SUGCT: variants seen among roughly 807,000 people sequenced by gnomAD.
SUGCT encodes the protein succinyl-CoA:glutarate-CoA transferase.
In SUGCT, 41 loss-of-function variants were observed where a neutral mutation model predicts 55.0. The ratio of observed to expected loss-of-function variants is 0.74; its 90% CI spans 0.58 to 0.97. The LOEUF (loss-of-function observed/expected upper bound fraction) is 0.97, where lower values mean the gene tolerates loss of function less well. Ranked by LOEUF, SUGCT falls within the 50% of genes least tolerant of loss-of-function variation. SUGCT has a pLI of 0.00. For synonymous variants in SUGCT, 187 were observed against 200.4 expected, an observed-to-expected ratio of 0.93 and a Z score of 0.56; for missense variants, 568 against 547.8, an observed-to-expected ratio of 1.04 and a Z score of -0.37.
At chr7:40,243,801 T>TA (rs1789630503) in intron 7 of SUGCT, among the ~76,000 whole-genome samples, 2 of 152,186 alleles carry the variant, frequency 1.3e-5, no homozygotes, top group African/African-American at 2.4e-5. Flanking sequence ...CCTCACAATT[T>TA]AAAAAAACTT....
At chr7:40,481,224 C>T (rs1410168650) in intron 11 of SUGCT, among the ~76,000 whole-genome samples, 1 of 151,892 alleles carries the variant, frequency 6.6e-6, no homozygotes, top group African/African-American at 2.4e-5. Flanking sequence ...TGTAGTCCCA[C>T]CCGTTCGAGA....
chr7:40,205,861 A>G (rs1416870650), intron 6 of SUGCT, among the ~76,000 whole-genome samples: 2 of 152,168 alleles, frequency 1.3e-5, no homozygotes, highest in African/African-American at 4.8e-5. Flanking sequence ...GTTTTTCTAC[A>G]TATTCTAAAA....
At chr7:40,525,811 CTT>C (rs972068980) in intron 12 of SUGCT, among the ~76,000 whole-genome samples, 2 of 152,106 alleles carry the variant, frequency 1.3e-5, no homozygotes, top group African/African-American at 4.8e-5. Context: ...ATTTTGAACT[CTT>C]TTATGCTTTC....
chr7:40,346,510 G>T (rs1797315731), intron 9 of SUGCT, among the ~76,000 whole-genome samples: 1 of 152,150 alleles, frequency 6.6e-6, no homozygotes, highest in Non-Finnish European at 1.5e-5. Flanking sequence ...CTGGTTGTGT[G>T]ATCTTAAGAA....
At chr7:40,529,718 A>G (rs567133573) in intron 12 of SUGCT, among the ~76,000 whole-genome samples, 1 of 152,334 alleles carries the variant, frequency 6.6e-6, no homozygotes, top group East Asian at 1.9e-4. Context: ...GAAGACCTGT[A>G]TGGAAAACCA....
At chr7:40,322,370 AGATCTTT>A (rs1439267122) in intron 9 of SUGCT, among the ~76,000 whole-genome samples, 1 of 152,188 alleles carries the variant, frequency 6.6e-6, no homozygotes, top group African/African-American at 2.4e-5. Context: ...TTGTGCCCAC[AGATCTTT>A]GGGTAGCTAC....
At chr7:40,515,414 A>C (rs969747912) in intron 12 of SUGCT, among the ~76,000 whole-genome samples, 8 of 152,214 alleles carry the variant, frequency 5.3e-5, no homozygotes, top group Admixed American at 1.3e-4. Context: ...AACCATCACC[A>C]CCATCTAATT....
At chr7:40,787,971 G>A (rs981799171) in intron 13 of SUGCT, among the ~76,000 whole-genome samples, 5 of 152,106 alleles carry the variant, frequency 3.3e-5, no homozygotes, top group African/African-American at 1.2e-4. Flanking sequence ...CTTTGCTGGC[G>A]AGGTGTTAGA....
intron 12 of SUGCT, among the ~76,000 whole-genome samples, chr7:40,623,814 T>C (rs1445073927): frequency 6.6e-6 from 1 of 152,216 alleles, no homozygotes; most frequent in Non-Finnish European, 1.5e-5. Flanking sequence ...TAAGCTTTTA[T>C]AATGACTGGT....
Position 40,188,589 on chromosome 7 carries a change from A to ACTTT in SUGCT, c.312+9_312+10insCTTT. ...TTAACCGAAATAAAAAAGTAAGAATATCATCCCTTTTTTGCTTTTTGTGTG... is the reference window on the plus strand; with the variant it reads ...TTAACCGAAATAAAAAAGTAAGAATACTTTTCATCCCTTTTTTGCTTTTTGTGTG... On this transcript the variant is annotated intron_variant, in intron 4 of 13. Transcript: ENST00000335693. 6.3e-7 allele frequency: 1 copy of ACTTT among 1,581,344 alleles called. No individual in the cohort carries two copies.
intron 9 of SUGCT, among the ~76,000 whole-genome samples, chr7:40,442,343 G>C (rs1486532482): frequency 2.0e-5 from 3 of 152,116 alleles, no homozygotes; most frequent in Admixed American, 2.0e-4. Flanking sequence ...AGTTAGGTTA[G>C]ATTTCACTCA....
At chr7:40,653,874 G>T (rs570703971) in intron 12 of SUGCT, among the ~76,000 whole-genome samples, 18 of 152,022 alleles carry the variant, frequency 1.2e-4, no homozygotes, top group Non-Finnish European at 2.5e-4. Flanking sequence ...AAATGATTTT[G>T]TTGCCGCTAA....
At chr7:40,231,087 AAGAG>A (rs1788696065) in intron 6 of SUGCT, among the ~76,000 whole-genome samples, 1 of 152,160 alleles carries the variant, frequency 6.6e-6, no homozygotes, top group African/African-American at 2.4e-5. Flanking sequence ...TGAGAATGAG[AAGAG>A]AGAGGACCAA....
chr7:40,264,262 A>T (rs1791411138), intron 7 of SUGCT, among the ~76,000 whole-genome samples: 1 of 152,148 alleles, frequency 6.6e-6, no homozygotes, highest in Non-Finnish European at 1.5e-5. Flanking sequence ...CCATAGTGTT[A>T]CTGAGGTACA....
At position 40,844,165 on chromosome 7, in the gene SUGCT, C is replaced by G. The variant is rs539019103; in HGVS notation, c.1154-16151C>G. Among the ~76,000 whole-genome samples the G allele has an allele frequency of 2.0e-5, 3 of 152,214 alleles. No individual in the cohort carries two copies. In the South Asian group the frequency reaches 6.2e-4, roughly 32 times the overall value. Reference sequence around the variant, plus strand: ...TGTCTGGGAAGGGGTGTCTGCAACTCCCGGAGCCCCAGAAGGCATGTGTTA... The same window carrying G: ...TGTCTGGGAAGGGGTGTCTGCAACTGCCGGAGCCCCAGAAGGCATGTGTTA... On this transcript the variant is annotated intron_variant, in intron 13 of 13. Transcript: ENST00000335693.
At chr7:40,349,681 GT>G (rs1252402886) in intron 9 of SUGCT, among the ~76,000 whole-genome samples, 1 of 147,870 alleles carries the variant, frequency 6.8e-6, no homozygotes, top group African/African-American at 2.5e-5. Flanking sequence ...TTCTTATATG[GT>G]TTTTTTTGGA....
At chr7:40,992,351 T>C in the SUGCT span, among the ~76,000 whole-genome samples, 27 of 152,286 alleles carry the variant, frequency 1.8e-4, no homozygotes, top group African/African-American at 5.3e-4. Flanking sequence ...GAGGTCACTT[T>C]CATGGCCATC....
At chr7:40,427,465 G>A (rs891429114) in intron 9 of SUGCT, among the ~76,000 whole-genome samples, 1 of 152,006 alleles carries the variant, frequency 6.6e-6, no homozygotes, top group Admixed American at 6.6e-5. Context: ...TGTATATTCT[G>A]TTTATTTTTC....
At chr7:40,806,229 T>C (rs1165684161) in intron 13 of SUGCT, among the ~76,000 whole-genome samples, 1 of 152,172 alleles carries the variant, frequency 6.6e-6, no homozygotes, top group Non-Finnish European at 1.5e-5. Flanking sequence ...TTCTCAAAGG[T>C]TCCCAGGTGG....
Sources: gnomAD v4.1 joint callset for allele counts (sites outside exome capture counted in the v4.1 genomes callset) on GRCh38, gnomAD v4.1.1 for gene constraint, MANE v1.5 for transcripts, NCBI Gene and HGNC (gene_info 2026-07-23, HGNC 2026-07-21) for gene names.